COL22A1: variants seen among roughly 807,000 people sequenced by gnomAD.
COL22A1 encodes collagen alpha-1(XXII) chain.
A neutral mutation model predicts 248.9 loss-of-function variants in COL22A1; 221 were observed. That is an observed-to-expected ratio of 0.89 (90% CI 0.80 to 0.99). COL22A1 has a LOEUF of 0.99. COL22A1 is among the 50% of genes least tolerant of loss of function. The pLI is 0.00. For synonymous variants in COL22A1, 891 were observed against 793.4 expected, an observed-to-expected ratio of 1.12 and a Z score of -2.07; for missense variants, 2,240 against 2,179.0, an observed-to-expected ratio of 1.03 and a Z score of -0.56.
chr8:138,680,920 C>A lies in COL22A1; in HGVS notation c.3013-1244G>T, dbSNP rs150095579. On this transcript the variant is annotated intron_variant, in intron 39 of 64. Coordinates refer to ENST00000303045, the MANE Select transcript of COL22A1 (RefSeq NM_152888.3). Reference sequence around the variant, plus strand: ...TTGGCCAAAGGAGCAGTATGACTTGCTCTGAGACTCACGGAGTTGAAACTG... The same window carrying A: ...TTGGCCAAAGGAGCAGTATGACTTGATCTGAGACTCACGGAGTTGAAACTG... Among the ~76,000 whole-genome samples the A allele has an allele frequency of 8.5e-5, 13 of 152,338 alleles. No individual in the cohort carries two copies. The East Asian group carries it at 2.5e-3, about 29-fold the overall frequency.
chr8:138,769,548 T>C (rs1358241823), intron 16 of COL22A1, among the ~76,000 whole-genome samples: 4 of 151,952 alleles, frequency 2.6e-5, no homozygotes. Context: ...GTCCTCCCGG[T>C]GGGGACTCCA....
At chr8:138,635,506 TAACTGA>T (rs1185450110) in intron 48 of COL22A1, among the ~76,000 whole-genome samples, 1 of 152,232 alleles carries the variant, frequency 6.6e-6, no homozygotes, top group Non-Finnish European at 1.5e-5. Context: ...ATGGTTAGGT[TAACTGA>T]ATTACAGCCT....
At chr8:138,789,438 G>T (rs764768491) in intron 12 of COL22A1, among the ~76,000 whole-genome samples, 1 of 152,184 alleles carries the variant, frequency 6.6e-6, no homozygotes, top group African/African-American at 2.4e-5. Flanking sequence ...TAGGAGATGG[G>T]GGTGCTGATT....
intron 30 of COL22A1, among the ~76,000 whole-genome samples, chr8:138,708,326 C>T (rs1442085461): frequency 6.6e-6 from 1 of 152,132 alleles, no homozygotes; most frequent in African/African-American, 2.4e-5. Context: ...CCCACTTTGC[C>T]AAGACAATCC....
At chr8:138,693,822 C>T (rs140465835) in intron 34 of COL22A1, 123 bp from the exon 35 acceptor site, 19 of 939,858 alleles carry the variant, frequency 2.0e-5, no homozygotes, top group African/African-American at 1.5e-4. Flanking sequence ...TGAAGGGGCC[C>T]GGGAGCACCG....
chr8:138,862,282 C>T (rs1822541685), intron 3 of COL22A1, among the ~76,000 whole-genome samples: 1 of 152,078 alleles, frequency 6.6e-6, no homozygotes, highest in Non-Finnish European at 1.5e-5. Context: ...TGGGTTGCCA[C>T]TCAACTAACA....
At chr8:138,601,100 C>T (rs1285531319) in intron 60 of COL22A1, among the ~76,000 whole-genome samples, 4 of 151,680 alleles carry the variant, frequency 2.6e-5, no homozygotes, top group Admixed American at 2.6e-4. Flanking sequence ...GTCTGAGTTC[C>T]TTGGCTCTCA....
At chr8:138,824,795 C>T (rs910385508) in intron 6 of COL22A1, among the ~76,000 whole-genome samples, 8 of 152,176 alleles carry the variant, frequency 5.3e-5, no homozygotes, top group African/African-American at 1.4e-4. Context: ...TTCCCCAGGG[C>T]GTGGAAGTGC....
intron 50 of COL22A1, among the ~76,000 whole-genome samples, chr8:138,628,038 T>C (rs1366387781): frequency 6.6e-6 from 1 of 152,208 alleles, no homozygotes; most frequent in African/African-American, 2.4e-5. Flanking sequence ...TCTAGAACTC[T>C]ACATTCATAT....
At chr8:138,819,617 T>TA (rs1272297636) in intron 7 of COL22A1, among the ~76,000 whole-genome samples, 1 of 148,196 alleles carries the variant, frequency 6.7e-6, no homozygotes. Context: ...TTATATATTA[T>TA]ATATAATGGT....
intron 15 of COL22A1, 173 bp downstream of exon 15, chr8:138,778,180 A>C: frequency 1.4e-6 from 1 of 732,866 alleles, no homozygotes; most frequent in African/African-American, 1.7e-5. Context: ...ATTCTTATGG[A>C]CTGTAACATC....
chr8:138,900,061 C>A (rs1814428768), intron 1 of COL22A1, among the ~76,000 whole-genome samples: 1 of 152,062 alleles, frequency 6.6e-6, no homozygotes, highest in Non-Finnish European at 1.5e-5. Context: ...AAGGGGCTAG[C>A]AAAACATTTA....
chr8:138,813,661 GGC>G (rs1818441858), intron 7 of COL22A1, among the ~76,000 whole-genome samples: 2 of 150,164 alleles, frequency 1.3e-5, no homozygotes, highest in Admixed American at 6.6e-5. Context: ...ACACTGAAGG[GGC>G]TTCAGGACAC....
chr8:138,823,047 T>C (rs1389671813), intron 6 of COL22A1, among the ~76,000 whole-genome samples: 1 of 152,180 alleles, frequency 6.6e-6, no homozygotes, highest in Non-Finnish European at 1.5e-5. Context: ...GTGGGGGCTG[T>C]CTCTTGCTAG....
Position 138,907,319 on chromosome 8 carries a change from G to A in COL22A1, c.-73+6300C>T, listed in dbSNP as rs367738815. Among the ~76,000 whole-genome samples, 96 of 152,328 alleles carry A rather than the reference G, an allele frequency of 6.3e-4. No homozygotes were observed. In the South Asian group the frequency reaches 0.016, roughly 25 times the overall value. ...GGAGGGAGCTCTGCTCATTACCCTC[G>A]TGCTGTGCAGTGTCTAGCAAATTCA... On this transcript the variant is annotated intron_variant, in intron 1 of 64. Coordinates refer to ENST00000303045, the MANE Select transcript of COL22A1 (RefSeq NM_152888.3).
intron 49 of COL22A1, among the ~76,000 whole-genome samples, chr8:138,631,481 A>C (rs1820715901): frequency 6.6e-6 from 1 of 152,176 alleles, no homozygotes; most frequent in Non-Finnish European, 1.5e-5. Flanking sequence ...TTCAGGACAA[A>C]AAGTAATAAA....
In COL22A1 at chr8:138,616,923, G is replaced by A. The variant is rs576313942; in HGVS notation, c.3861C>T (p.Pro1287=). The change falls in exon 54 of 65, where the codon CCC becomes CCT. Residue 1287 remains proline, a synonymous_variant. Transcript: ENST00000303045. ...FKGHTGDSGA[P]GPRGESGAMG... ...TGAGGCGCCCACTTACCCGGGGACC[G>A]GGTGCACCAGAATCGCCTGTGTGTC... 21 of 1,614,138 alleles carry A rather than the reference G, an allele frequency of 1.3e-5. No homozygotes were observed. The highest frequency in any genetic ancestry group is 9.9e-5 in the South Asian group (9 of 91,074).
intron 12 of COL22A1, among the ~76,000 whole-genome samples, chr8:138,791,179 T>C (rs1460780332): frequency 6.6e-6 from 1 of 152,252 alleles, no homozygotes; most frequent in African/African-American, 2.4e-5. Flanking sequence ...CCTTGCTTGA[T>C]GCTGGGCACC....
At chr8:138,842,271 C>A (rs1020683859) in intron 4 of COL22A1, among the ~76,000 whole-genome samples, 11 of 152,156 alleles carry the variant, frequency 7.2e-5, no homozygotes, top group South Asian at 2.1e-4. Flanking sequence ...TGCGTGCAAA[C>A]CCTTTGGCAC....
Sources: gnomAD v4.1 joint callset for allele counts (sites outside exome capture counted in the v4.1 genomes callset) on GRCh38, gnomAD v4.1.1 for gene constraint, MANE v1.5 for transcripts, NCBI Gene and HGNC (gene_info 2026-07-23, HGNC 2026-07-21) for gene names.